SBF2: variants seen among roughly 807,000 people sequenced by gnomAD.
The protein encoded by SBF2 is myotubularin-related protein 13.
Under a neutral mutation model 225.2 loss-of-function variants are expected in SBF2, and 112 were observed. The ratio of observed to expected loss-of-function variants is 0.50; its 90% CI spans 0.43 to 0.58. SBF2 has a LOEUF of 0.58. Ranked by LOEUF, SBF2 falls within the 20% of genes least tolerant of loss-of-function variation. The pLI is 0.00. For missense variants in SBF2, 1,996 were observed against 2,206.2 expected, an observed-to-expected ratio of 0.90 and a Z score of 1.91; for synonymous variants, 763 against 773.3, an observed-to-expected ratio of 0.99 and a Z score of 0.22.
chr11:10,143,463 A>G (rs1954745371), intron 2 of SBF2, among the ~76,000 whole-genome samples: 1 of 152,200 alleles, frequency 6.6e-6, no homozygotes, highest in South Asian at 2.1e-4. Flanking sequence ...GAAATCAAAG[A>G]AAGGTACAGC....
intron 1 of SBF2, among the ~76,000 whole-genome samples, chr11:10,263,499 T>C (rs1261015215): frequency 1.3e-5 from 2 of 152,118 alleles, no homozygotes; most frequent in Non-Finnish European, 2.9e-5. Context: ...CAAGCTACAA[T>C]AGGTTAATTA....
At chr11:9,882,530 C>A (rs535092754) in intron 17 of SBF2, among the ~76,000 whole-genome samples, 15 of 152,112 alleles carry the variant, frequency 9.9e-5, no homozygotes, top group Non-Finnish European at 2.1e-4. Flanking sequence ...ACTTCTCGGC[C>A]GGGCATGGTG....
At chr11:10,299,720 G>C (rs1964577703) in intron 1 of SBF2, among the ~76,000 whole-genome samples, 1 of 150,634 alleles carries the variant, frequency 6.6e-6, no homozygotes, top group Non-Finnish European at 1.5e-5. Flanking sequence ...ATGTGGGGAG[G>C]GGGTATAATA....
At chr11:9,976,895 G>A (rs540747039) in intron 13 of SBF2, among the ~76,000 whole-genome samples, 3 of 151,634 alleles carry the variant, frequency 2.0e-5, no homozygotes, top group East Asian at 3.9e-4. Flanking sequence ...CAGCCTCTCC[G>A]AGTAGCTGGG....
intron 13 of SBF2, among the ~76,000 whole-genome samples, chr11:9,985,840 C>T (rs1031804742): frequency 2.6e-5 from 4 of 152,018 alleles, no homozygotes; most frequent in Admixed American, 1.3e-4. Flanking sequence ...TAGTGGGGGA[C>T]GTCAATACTC....
In SBF2 at chr11:9,985,317, G is replaced by GT. The variant is rs200661662; in HGVS notation, c.1395+4179dup. Among the ~76,000 whole-genome samples, 881 of 151,110 alleles carry GT rather than the reference G, an allele frequency of 5.8e-3. 4 individuals carry two copies. Among genetic ancestry groups the GT allele is most frequent in the East Asian group, 0.019 (96 of 5,146 alleles). ...GCAGGGGTAGCTATTCTTTTTAGTT[G>GT]TTTTTTTTTGTTTTGTTTTGTTTGA... is the stretch of plus-strand genomic sequence containing the variant. On this transcript the variant is annotated intron_variant, in intron 13 of 39. Coordinates refer to ENST00000256190, the MANE Select transcript of SBF2 (RefSeq NM_030962.4).
At chr11:10,260,532 GGA>G (rs1565411229) in intron 1 of SBF2, among the ~76,000 whole-genome samples, 11 of 151,754 alleles carry the variant, frequency 7.2e-5, no homozygotes, top group Admixed American at 2.0e-4. Context: ...CTGGCTAACA[GGA>G]TGAAACCCCC....
chr11:9,896,806 G>A (rs911068739), intron 16 of SBF2, among the ~76,000 whole-genome samples: 1 of 151,466 alleles, frequency 6.6e-6, no homozygotes, highest in Non-Finnish European at 1.5e-5. Context: ...AAAAAAGGGG[G>A]GTGGGGCGGG....
In SBF2 at chr11:10,223,402, TATATATATATATA is replaced by T. The variant is rs1565371225; in HGVS notation, c.56-29428_56-29416del. 4.7e-3 allele frequency among the ~76,000 whole-genome samples: 273 copies of T among 58,392 alleles called. 5 individuals are homozygous for T. Among genetic ancestry groups the T allele is most frequent in the Non-Finnish European group, 4.7e-3 (159 of 33,808 alleles). 38.3% of individuals were successfully genotyped at this position (58,392 alleles called of 152,430 possible). A position where few individuals can be genotyped will look rare whatever the true frequency, so the allele number is the denominator to read the frequency against. ...TAAACAACACATATTTTGCACATTA[TATATATATATATA>T]TATATATATATATATATATATATAT... is the stretch of plus-strand genomic sequence containing the variant. On this transcript the variant is annotated intron_variant, in intron 1 of 39. Transcript: ENST00000256190.
chr11:10,067,737 A>G (rs1332131937), intron 2 of SBF2, among the ~76,000 whole-genome samples: 2 of 152,060 alleles, frequency 1.3e-5, no homozygotes, highest in African/African-American at 4.8e-5. Context: ...TCTATAAAAA[A>G]TAACGACAAC....
intron 1 of SBF2, among the ~76,000 whole-genome samples, chr11:10,287,272 T>C (rs1478101910): frequency 6.6e-6 from 1 of 152,132 alleles, no homozygotes; most frequent in Non-Finnish European, 1.5e-5. Flanking sequence ...AAATGTTCCC[T>C]ATCTATCTAT....
At chr11:10,270,313 T>C (rs191582945) in intron 1 of SBF2, among the ~76,000 whole-genome samples, 339 of 152,230 alleles carry the variant, frequency 2.2e-3, no homozygotes, top group African/African-American at 7.8e-3. Context: ...ACAGATAACA[T>C]AAATGGTAGA....
intron 2 of SBF2, among the ~76,000 whole-genome samples, chr11:10,062,492 A>G (rs1950486603): frequency 6.6e-6 from 1 of 152,166 alleles, no homozygotes; most frequent in East Asian, 1.9e-4. Context: ...CAAATTTATA[A>G]GAGAAGAACA....
intron 17 of SBF2, among the ~76,000 whole-genome samples, chr11:9,885,485 T>C (rs1013386167): frequency 6.6e-6 from 1 of 152,106 alleles, no homozygotes; most frequent in African/African-American, 2.4e-5. Context: ...GTCTGTATAC[T>C]TCACGATCTT....
chr11:10,259,445 C>G (rs1961215296), intron 1 of SBF2, among the ~76,000 whole-genome samples: 1 of 152,276 alleles, frequency 6.6e-6, no homozygotes, highest in South Asian at 2.1e-4. Context: ...TTTTCTCTCA[C>G]TCAACAGGAA....
At chr11:10,031,319 G>T in intron 3 of SBF2, 149 bp from the exon 4 acceptor site, 1 of 750,786 alleles carries the variant, frequency 1.3e-6, no homozygotes, top group Non-Finnish European at 2.0e-6. Context: ...ATAAAGAATA[G>T]ACTTTAAGAG....
chr11:9,794,642 G>C (rs572555461), intron 33 of SBF2, among the ~76,000 whole-genome samples: 1 of 114,734 alleles, frequency 8.7e-6, no homozygotes, highest in East Asian at 2.9e-4. Flanking sequence ...TCCAGCCTTG[G>C]AGACAGAGTG....
At chr11:10,135,484 G>A (rs995024172) in intron 2 of SBF2, among the ~76,000 whole-genome samples, 6 of 152,138 alleles carry the variant, frequency 3.9e-5, no homozygotes, top group East Asian at 3.8e-4. Context: ...TCATCTGAAC[G>A]TTTATGCTCT....
intron 1 of SBF2, among the ~76,000 whole-genome samples, chr11:10,201,940 T>C (rs1344373237): frequency 2.0e-5 from 3 of 152,184 alleles, no homozygotes; most frequent in Non-Finnish European, 4.4e-5. Flanking sequence ...TTAAAAATAA[T>C]AAATAAACAG....
Sources: allele counts gnomAD v4.1 joint callset (sites outside exome capture counted in the v4.1 genomes callset), GRCh38; gene constraint gnomAD v4.1.1; transcripts MANE v1.5; gene names NCBI Gene and HGNC (gene_info 2026-07-23, HGNC 2026-07-21).